AFF1: variants seen among roughly 807,000 people sequenced by gnomAD.
AFF1 encodes AF4/FMR2 family member 1.
Under a neutral mutation model 121.7 loss-of-function variants are expected in AFF1, and 48 were observed. The observed-to-expected ratio is 0.39, with a 90% CI of 0.31 to 0.50. The LOEUF is 0.50. Among genes scored for constraint, AFF1 ranks in the 20% least tolerant of loss-of-function variants. The probability of loss-of-function intolerance (pLI) is 0.76; values close to 1 mark genes in which losing one functional copy is unlikely to be tolerated. For synonymous variants in AFF1, 613 were observed against 563.0 expected (o/e 1.09, Z -1.26); for missense variants, 1,523 against 1,511.7 (o/e 1.01, Z -0.12).
At position 87,128,593 on chromosome 4, in the gene AFF1, C is replaced by T. The variant is rs555509237; in HGVS notation, c.2964+890C>T. 2.6e-5 allele frequency among the ~76,000 whole-genome samples: 4 copies of T among 152,326 alleles called. No homozygotes were observed. In the East Asian group the frequency reaches 7.7e-4, roughly 29 times the overall value. On this transcript the variant is annotated intron_variant, in intron 16 of 20. Transcript: ENST00000395146. ...TGCAAACCTAACTACACATTTCAGA[C>T]ACCCACAGGGGTCTGAATCAGATTG...
intron 8 of AFF1, among the ~76,000 whole-genome samples, chr4:87,096,517 C>T (rs1724885190): frequency 6.6e-6 from 1 of 150,688 alleles, no homozygotes; most frequent in Non-Finnish European, 1.5e-5. Context: ...CAGATGTGAG[C>T]TTCCACACTT....
intron 4 of AFF1, among the ~76,000 whole-genome samples, chr4:87,053,126 T>C (rs1731433995): frequency 6.6e-6 from 1 of 152,192 alleles, no homozygotes; most frequent in Non-Finnish European, 1.5e-5. Flanking sequence ...TAGTAGGTAT[T>C]TAAAACCTTG....
rs995973091 is a variant in AFF1, at chr4:86,935,014, C to A, written c.-263C>A. The stretch of plus-strand genomic sequence containing the variant: ...CAGCCGGCGTGCTGAGCTTGCCAGC[C>A]AGCTAGCGAGCGACGGGCGCGCGCG... On this transcript the variant is annotated 5_prime_UTR_variant, in exon 1 of 21. Transcript: ENST00000395146. 6.6e-6 allele frequency: 1 copy of A among 151,884 alleles called. No individual in the cohort carries two copies. The highest frequency in any genetic ancestry group is 6.6e-5 in the Admixed American group (1 of 15,250). The allele number at this position is 151,884 out of a possible 1,614,324, so 9.4% of individuals were successfully genotyped here. A position where few individuals can be genotyped will look rare whatever the true frequency, so the allele number is the denominator to read the frequency against.
chr4:87,125,203 C>A, intron 13 of AFF1, 60 bp downstream of exon 13: 1 of 1,290,042 alleles, frequency 7.8e-7, no homozygotes, highest in South Asian at 1.7e-5. Context: ...TGGGTCTTGA[C>A]ATAGCAAAGA....
At chr4:87,050,348 G>A (rs2149624523) in intron 4 of AFF1, among the ~76,000 whole-genome samples, 1 of 152,270 alleles carries the variant, frequency 6.6e-6, no homozygotes, top group South Asian at 2.1e-4. Flanking sequence ...GTTGGGTTTT[G>A]TGGTTTGTTT....
At chr4:86,976,727 CA>C (rs1233234848) in intron 2 of AFF1, among the ~76,000 whole-genome samples, 6 of 152,164 alleles carry the variant, frequency 3.9e-5, no homozygotes, top group African/African-American at 1.4e-4. Context: ...ACCTGTATAA[CA>C]AACTTGCATG....
chr4:86,974,150 A>G (rs1275128156), intron 2 of AFF1: 1 of 152,006 alleles, frequency 6.6e-6, no homozygotes, highest in Non-Finnish European at 1.5e-5. Flanking sequence ...CAACTTATTT[A>G]TTTATTTATT....
intron 15 of AFF1, among the ~76,000 whole-genome samples, chr4:87,127,352 C>T (rs750141299): frequency 6.6e-6 from 1 of 151,888 alleles, no homozygotes; most frequent in Non-Finnish European, 1.5e-5. Flanking sequence ...TTAGTAGAGA[C>T]GGGTTTCATC....
intron 4 of AFF1, chr4:87,049,860 G>T (rs1731102133): frequency 5.3e-6 from 2 of 380,596 alleles, no homozygotes; most frequent in South Asian, 3.6e-5. Context: ...GAATGAAGGA[G>T]TCGTCAATCC....
chr4:87,075,120 A>G (rs764636358), intron 4 of AFF1, among the ~76,000 whole-genome samples: 2 of 152,212 alleles, frequency 1.3e-5, no homozygotes, highest in Non-Finnish European at 2.9e-5. Context: ...CCAACTGGAA[A>G]GAAACAATAA....
intron 4 of AFF1, among the ~76,000 whole-genome samples, chr4:87,048,808 AAAG>A (rs1027128640): frequency 3.3e-5 from 5 of 152,174 alleles, no homozygotes; most frequent in African/African-American, 1.2e-4. Flanking sequence ...GAAAAATAAG[AAAG>A]AAGGAGTAAA....
chr4:87,022,588 CTATATCTA>C (rs1308996921), intron 2 of AFF1, among the ~76,000 whole-genome samples: 1 of 108,294 alleles, frequency 9.2e-6, no homozygotes, highest in African/African-American at 3.5e-5. Context: ...ATATATCTAT[CTATATCTA>C]TCTGTGTGTA....
intron 8 of AFF1, among the ~76,000 whole-genome samples, chr4:87,095,862 C>A (rs886908877): frequency 1.3e-5 from 2 of 151,986 alleles, no homozygotes; most frequent in Admixed American, 6.5e-5. Context: ...GGAGGCCTTC[C>A]TCCAGTATCT....
At chr4:87,018,363 G>A (rs907407069) in intron 2 of AFF1, among the ~76,000 whole-genome samples, 2 of 152,234 alleles carry the variant, frequency 1.3e-5, no homozygotes, top group Non-Finnish European at 2.9e-5. Context: ...AGGATACTGT[G>A]AGGGAATAAT....
intron 2 of AFF1, among the ~76,000 whole-genome samples, chr4:87,038,650 C>G (rs1729799345): frequency 6.6e-6 from 1 of 152,208 alleles, no homozygotes; most frequent in South Asian, 2.1e-4. Context: ...ATCCTCTAAG[C>G]TGGGATTGCC....
intron 13 of AFF1, 32 bp from the exon 14 acceptor site, chr4:87,126,067 T>G (rs747739199): frequency 2.5e-6 from 4 of 1,602,830 alleles, no homozygotes; most frequent in Admixed American, 3.3e-5. Flanking sequence ...GTACTTTGCC[T>G]CCTCTTAGTT....
At chr4:86,975,153 T>C (rs1352352830) in intron 2 of AFF1, among the ~76,000 whole-genome samples, 2 of 152,218 alleles carry the variant, frequency 1.3e-5, no homozygotes, top group Admixed American at 6.5e-5. Context: ...CCAAAAGCCA[T>C]GTTTTCCCAT....
chr4:86,998,742 G>A (rs28372291), intron 2 of AFF1, among the ~76,000 whole-genome samples: 5,907 of 152,224 alleles, frequency 0.039, 197 homozygotes, highest in African/African-American at 0.092. Flanking sequence ...AAACAAGAGG[G>A]TGAAAGCTTA....
chr4:87,134,579 C>G lies in AFF1; in HGVS notation c.3420C>G (p.Ile1140Met). Reference protein sequence around the residue: ...SVGSSGVAATISTPVTIQNMT... With the variant: ...SVGSSGVAATMSTPVTIQNMT... ...GGAGCAGTGGGGTGGCTGCCACTAT[C>G]AGCACCCCAGTCACCATCCAGAATA... Residue 1140 changes from isoleucine (I) to methionine (M), a missense_variant, in exon 20 of 21, where the codon ATC becomes ATG. Physicochemically the swap from Ile to Met is conservative, Grantham distance 10. This residue lies in a region of AFF1 where 241 missense variants were observed against 265.2 expected (regional missense o/e 0.91). Transcript: ENST00000395146. The G allele has an allele frequency of 1.9e-6, 3 of 1,614,140 alleles. No homozygotes were observed. The highest frequency in any genetic ancestry group is 1.7e-6 in the Non-Finnish European group (2 of 1,179,996).
Sources: allele counts gnomAD v4.1 joint callset (sites outside exome capture counted in the v4.1 genomes callset), GRCh38; gene constraint gnomAD v4.1.1; regional missense constraint gnomAD v4.1.1; transcripts MANE v1.5; gene names NCBI Gene and HGNC (gene_info 2026-07-23, HGNC 2026-07-21).